Variants in BRD2 observed in about 807,000 individuals in gnomAD.
BRD2 encodes the protein bromodomain containing 2, also known as bromodomain-containing protein 2.
BRD2 carries 15 observed loss-of-function variants against 79.1 expected under a neutral mutation model. The ratio of observed to expected loss-of-function variants is 0.19; its 90% CI spans 0.13 to 0.29. The LOEUF (loss-of-function observed/expected upper bound fraction) is 0.29, where lower values mean the gene tolerates loss of function less well. Ranked by LOEUF, BRD2 falls within the 10% of genes least tolerant of loss-of-function variation. The probability of loss-of-function intolerance (pLI) is 1.00; values close to 1 mark genes in which losing one functional copy is unlikely to be tolerated. For missense variants in BRD2, 1,053 were observed against 991.3 expected, an observed-to-expected ratio of 1.06 and a Z score of -0.84; for synonymous variants, 488 against 358.6, an observed-to-expected ratio of 1.36 and a Z score of -4.08.
Position 32,974,703 on chromosome 6 carries a change from T to G in BRD2, c.271T>G (p.Trp91Gly), listed in dbSNP as rs745923190. 6.2e-7 allele frequency: 1 copy of G among 1,614,186 alleles called. No individual in the cohort carries two copies. Among genetic ancestry groups the G allele is most frequent in the Non-Finnish European group, 8.5e-7 (1 of 1,180,040 alleles). ...YLHKVVMKAL[W>G]KHQFAWPFRQ... is the part of the protein sequence containing the mutation. ...ACACAAGGTAGTGATGAAGGCTCTGTGGAAACATCAGTTCGCATGGCCATT... is the reference window on the plus strand; with the variant it reads ...ACACAAGGTAGTGATGAAGGCTCTGGGGAAACATCAGTTCGCATGGCCATT... The change falls in exon 3 of 13, where the codon TGG (tryptophan) becomes GGG (glycine). Residue 91 changes from tryptophan to glycine, a missense_variant. By Grantham distance (184) the Trp-to-Gly change is radical. This residue lies in a region of BRD2 where 413 missense variants were observed against 335.1 expected (regional missense o/e 1.23). Coordinates refer to ENST00000374825, the MANE Select transcript of BRD2 (RefSeq NM_005104.4).
Position 32,979,828 on chromosome 6 carries a change from G to A in BRD2, c.1842G>A (p.Lys614=), listed in dbSNP as rs141736131. Residue 614 remains lysine (K), a splice_region_variant and synonymous_variant, in exon 11 of 13, where the codon AAG becomes AAA. Coordinates refer to ENST00000374825, the MANE Select transcript of BRD2 (RefSeq NM_005104.4). ...TGCTGACAACTCTTTTTGCCCTTAG[G>A]CTCCCCAAAAAGGCCACAAAGACAG... ...GFGPSGGSGT[K]LPKKATKTAP... 3.5e-5 allele frequency: 57 copies of A among 1,609,100 alleles called. No individual in the cohort carries two copies. The highest frequency in any genetic ancestry group is 4.3e-5 in the Non-Finnish European group (51 of 1,178,370).
chr6:32,978,439 G>A (rs1422296129), intron 10 of BRD2, 51 bp downstream of exon 10: 1 of 1,580,250 alleles, frequency 6.3e-7, no homozygotes, highest in African/African-American at 1.4e-5. Flanking sequence ...TGTCTCTCTG[G>A]GGGATGCCAT....
At position 32,981,042 on chromosome 6, in the gene BRD2, C is replaced by T. The variant is rs563816342; in HGVS notation, c.*324C>T. Reference sequence around the variant, plus strand: ...CCTGAGGCCACAGCTGCCCTATTCACTTCTAAGGGCCCTGTTTTGAGATTG... The same window carrying T: ...CCTGAGGCCACAGCTGCCCTATTCATTTCTAAGGGCCCTGTTTTGAGATTG... On this transcript the variant is annotated 3_prime_UTR_variant, in exon 13 of 13. Coordinates refer to ENST00000374825, the MANE Select transcript of BRD2 (RefSeq NM_005104.4). 1.0e-5 allele frequency: 3 copies of T among 287,246 alleles called. No individual in the cohort carries two copies. The highest frequency in any genetic ancestry group is 1.3e-5 in the Non-Finnish European group (2 of 150,062). 17.8% of individuals were successfully genotyped at this position (287,246 alleles called of 1,614,324 possible).
chr6:32,977,532 C>G lies in BRD2; in HGVS notation c.1291C>G (p.Pro431Ala), dbSNP rs150234115. The G allele has an allele frequency of 3.2e-5, 51 of 1,613,960 alleles. No homozygotes were observed. The highest frequency in any genetic ancestry group is 4.3e-5 in the Non-Finnish European group (51 of 1,180,058). Residue 431 changes from proline (P) to alanine (A), a missense_variant, in exon 8 of 13, where the codon CCA becomes GCA. This residue lies in a region of BRD2 where 454 missense variants were observed against 430.5 expected (regional missense o/e 1.05). Coordinates refer to ENST00000374825, the MANE Select transcript of BRD2 (RefSeq NM_005104.4). ...CTCCAACTGCTATAAGTACAATCCC[C>G]CAGATCACGATGTTGTGGCAATGGC... ...MFSNCYKYNP[P>A]DHDVVAMARK...
intron 4 of BRD2, 65 bp downstream of exon 4, chr6:32,975,586 A>T: frequency 6.3e-7 from 1 of 1,576,902 alleles, no homozygotes; most frequent in Admixed American, 1.7e-5. Flanking sequence ...ATTGCTGGAT[A>T]TGTTGTCTAC....
At chr6:32,977,593 G>A in intron 8 of BRD2, 23 bp downstream of exon 8, 3 of 1,612,884 alleles carry the variant, frequency 1.9e-6, no homozygotes, top group Non-Finnish European at 8.5e-7. Context: ...GTTGGAGTTT[G>A]AAAAATAAAT....
rs1252637708 is a variant in BRD2, at chr6:32,981,260, C to G, written c.*542C>G. On this transcript the variant is annotated 3_prime_UTR_variant, in exon 13 of 13. Coordinates refer to ENST00000374825, the MANE Select transcript of BRD2 (RefSeq NM_005104.4). ...TTCAGTCATCTCCCCATTTGGTCCC[C>G]TGGACTGTCTTTGTTGATTCTAACT... 1 of 153,014 alleles carries G rather than the reference C, an allele frequency of 6.5e-6. No homozygotes were observed. Among genetic ancestry groups the G allele is most frequent in the Non-Finnish European group, 1.5e-5 (1 of 68,632 alleles). 9.5% of individuals were successfully genotyped at this position (153,014 alleles called of 1,614,324 possible). A position where few individuals can be genotyped will look rare whatever the true frequency, so the allele number is the denominator to read the frequency against.
chr6:32,975,206 T>TA, intron 3 of BRD2, 178 bp from the exon 4 acceptor site: 1 of 1,265,166 alleles, frequency 7.9e-7, no homozygotes, highest in Middle Eastern at 2.1e-4. Context: ...CAAGAATCTT[T>TA]TTTATTTATT....
At chr6:32,975,218 A>G (rs1448840929) in intron 3 of BRD2, 166 bp from the exon 4 acceptor site, 8 of 1,245,988 alleles carry the variant, frequency 6.4e-6, no homozygotes, top group Non-Finnish European at 7.7e-6. Context: ...TTATTTATTT[A>G]TTTATTTTGT....
rs200979129 is a variant in BRD2 at position 32,974,236 on chromosome 6, T to C, written c.30-226T>C. Among the ~76,000 whole-genome samples the C allele has an allele frequency of 2.0e-5, 3 of 152,176 alleles. No individual in the cohort carries two copies. The East Asian group carries it at 5.8e-4, about 29-fold the overall frequency. On this transcript the variant is annotated intron_variant, in intron 2 of 12. Coordinates refer to ENST00000374825, the MANE Select transcript of BRD2 (RefSeq NM_005104.4). ...AAGAACAGATAGAGCCTATCAGACT[T>C]AAGAAGGTGGGATCTAGATAGTATA...
At chr6:32,971,493 T>A (rs1031357603) in intron 1 of BRD2, 102 bp from the exon 2 acceptor site, 17 of 418,548 alleles carry the variant, frequency 4.1e-5, no homozygotes, top group African/African-American at 3.5e-4. Flanking sequence ...CTGTGGGGCA[T>A]GGGAACGTTA....
At position 32,980,583 on chromosome 6, in the gene BRD2, G is replaced by A. The variant is rs199954603; in HGVS notation, c.2271G>A (p.Ala757=). The change falls in exon 13 of 13, where the codon GCG becomes GCA. Residue 757 remains alanine, a splice_region_variant and synonymous_variant. Transcript: ENST00000374825. Reference sequence around the variant, plus strand: ...TTAACTTTCGAATTTGTTCTGCAGCGAATGAGAAAACAGAGTCATCCTCTG... The same window carrying A: ...TTAACTTTCGAATTTGTTCTGCAGCAAATGAGAAAACAGAGTCATCCTCTG... ...LNSTKKPPKK[A]NEKTESSSAQ... 14 of 1,612,952 alleles carry A rather than the reference G, an allele frequency of 8.7e-6. No individual in the cohort carries two copies. The highest frequency in any genetic ancestry group is 1.7e-5 in the Admixed American group (1 of 59,996).
chr6:32,978,266 C>T lies in BRD2; in HGVS notation c.1719C>T (p.Asp573=), dbSNP rs1296751702. 2 of 1,613,080 alleles carry T rather than the reference C, an allele frequency of 1.2e-6. No homozygotes were observed. The highest frequency in any genetic ancestry group is 2.2e-5 in the East Asian group (1 of 44,882). ...GCCGAGCTGGGGCCGATGAAGATGA[C>T]AAGGGGCCTAGGGCACCCCGCCCAC... ...HRGRAGADED[D]KGPRAPRPPQ... is the part of the protein sequence containing the mutation. Residue 573 remains aspartate, a synonymous_variant, in exon 10 of 13, where the codon GAC becomes GAT. Coordinates refer to ENST00000374825, the MANE Select transcript of BRD2 (RefSeq NM_005104.4).
chr6:32,980,035 G>C lies in BRD2; in HGVS notation c.2049G>C (p.Glu683Asp). ...CTTTACGTGATTCAAACCCAGAAGA[G>C]ATTGAGATTGATTTTGAAACACTCA... The part of the protein sequence containing the change: ...EPSLRDSNPE[E>D]IEIDFETLKP... The change falls in exon 11 of 13, where the codon GAG (glutamate) becomes GAC (aspartate). Residue 683 changes from glutamate (E) to aspartate (D), a missense_variant. By Grantham distance (45) the Glu-to-Asp change is conservative. This residue lies in a region of BRD2 where 44 missense variants were observed against 73.7 expected (regional missense o/e 0.60). Transcript: ENST00000374825. 1 of 1,613,104 alleles carries C rather than the reference G, an allele frequency of 6.2e-7. No homozygotes were observed.
At chr6:32,969,470 G>T (rs1441537489) in intron 1 of BRD2, 4 of 627,536 alleles carry the variant, frequency 6.4e-6, no homozygotes, top group African/African-American at 1.8e-5. Context: ...CCCATGTTGT[G>T]AACTGAGGTT....
At position 32,971,605 on chromosome 6, in the gene BRD2, G is replaced by A. The variant is rs200600639; in HGVS notation, c.-1294G>A. On this transcript the variant is annotated 5_prime_UTR_variant, in exon 2 of 13. Coordinates refer to ENST00000374825, the MANE Select transcript of BRD2 (RefSeq NM_005104.4). Reference sequence around the variant, plus strand: ...TTTTCCTCGTTTCAGATTCTTCGCTGCTGCTGCCTTACCGCCGAGAACCAC... The same window carrying A: ...TTTTCCTCGTTTCAGATTCTTCGCTACTGCTGCCTTACCGCCGAGAACCAC... The A allele has an allele frequency of 6.4e-5, 29 of 455,424 alleles. No individual in the cohort carries two copies. The highest frequency in any genetic ancestry group is 1.0e-4 in the African/African-American group (5 of 48,884). The allele number at this position is 455,424 out of a possible 1,614,324, so 28.2% of individuals were successfully genotyped here. A position where few individuals can be genotyped will look rare whatever the true frequency, so the allele number is the denominator to read the frequency against.
In BRD2 at chr6:32,972,239, G is replaced by T. The variant is rs759093650; in HGVS notation, c.-660G>T. 8.2e-6 allele frequency: 4 copies of T among 484,940 alleles called. No individual in the cohort carries two copies. Among genetic ancestry groups the T allele is most frequent in the Non-Finnish European group, 1.5e-5 (4 of 263,086 alleles). The allele number at this position is 484,940 out of a possible 1,614,324, so 30.0% of individuals were successfully genotyped here. On this transcript the variant is annotated 5_prime_UTR_variant, in exon 2 of 13. Coordinates refer to ENST00000374825, the MANE Select transcript of BRD2 (RefSeq NM_005104.4). ...GTGGAGCAGCCTCTAGAACGAGCTG[G>T]AGGATTCTGCCTACCGATACAGAGC...
intron 3 of BRD2, 99 bp from the exon 4 acceptor site, chr6:32,975,285 G>GTGTGTGTGTGTGT: frequency 1.4e-6 from 1 of 692,090 alleles, no homozygotes; most frequent in Non-Finnish European, 2.3e-6. Context: ...GCATAGGGGG[G>GTGTGTGTGTGTGT]GTGTGTGTGT....
chr6:32,974,421 A>AT, intron 2 of BRD2, 41 bp from the exon 3 acceptor site: 1 of 1,573,074 alleles, frequency 6.4e-7, no homozygotes, highest in Non-Finnish European at 8.7e-7. Context: ...CTTTTTCCTC[A>AT]TTTGGACGAT....
Sources: gnomAD v4.1 joint callset for allele counts (sites outside exome capture counted in the v4.1 genomes callset) on GRCh38, gnomAD v4.1.1 for gene constraint, gnomAD v4.1.1 regional missense constraint, MANE v1.5 for transcripts, NCBI Gene and HGNC (gene_info 2026-07-23, HGNC 2026-07-21) for gene names.